Variants in ICE1 observed in about 807,000 individuals in gnomAD.
ICE1 encodes interactor of little elongation complex ELL subunit 1, also known as little elongation complex subunit 1.
A neutral mutation model predicts 192.7 loss-of-function variants in ICE1; 64 were observed. The ratio of observed to expected loss-of-function variants is 0.33; its 90% confidence interval spans 0.27 to 0.41. The LOEUF (loss-of-function observed/expected upper bound fraction) is 0.41. Ranked by LOEUF, ICE1 falls within the 10% of genes least tolerant of loss-of-function variation. The pLI is 1.00. For synonymous variants in ICE1, 1,010 were observed against 984.5 expected, an observed-to-expected ratio of 1.03 and a Z score of -0.49; for missense variants, 2,708 against 2,696.0, an observed-to-expected ratio of 1.00 and a Z score of -0.10.
At position 5,464,328 on chromosome 5, in the gene ICE1, C is replaced by T; in HGVS notation, c.4994C>T (p.Pro1665Leu). 1 of 1,613,764 alleles carries T rather than the reference C, an allele frequency of 6.2e-7. No homozygotes were observed. Among genetic ancestry groups the T allele is most frequent in the Non-Finnish European group, 8.5e-7 (1 of 1,179,870 alleles). The part of the protein sequence containing the change: ...SSSSPSSPAS[P>L]VGQVSPFRET... ...TCTAGTCCTTCCTCACCAGCCTCTC[C>T]TGTTGGCCAGGTTTCTCCCTTCCGT... Residue 1665 changes from proline to leucine, a missense_variant, in exon 13 of 19, where the codon CCT (proline) becomes CTT (leucine). By Grantham distance (98) the Pro-to-Leu change is moderately conservative. Around this residue, in one of 2 missense-constraint regions of ICE1, gnomAD observed 2,366 missense variants for 2,276.6 expected, o/e 1.04. Transcript: ENST00000296564. This position sits in a 1 kb window ranked among gnomAD's most constrained non-coding sequence, Gnocchi z 4.0.
chr5:5,483,151 C>T (rs775790529), intron 17 of ICE1, among the ~76,000 whole-genome samples: 14 of 152,088 alleles, frequency 9.2e-5, no homozygotes, highest in African/African-American at 2.2e-4. Context: ...CCACCATGCT[C>T]GGCTAATTTT....
At position 5,432,305 on chromosome 5, in the gene ICE1, C is replaced by CT. The variant is rs537395019; in HGVS notation, c.85-4107dup. ...AATACACGTGGACTTTTGTAACTGG[C>CT]TTTTTTCACTTAGCATAATGTTTCA... On this transcript the variant is annotated intron_variant, in intron 1 of 18. Coordinates refer to ENST00000296564, the MANE Select transcript of ICE1 (RefSeq NM_015325.3). Among the ~76,000 whole-genome samples, 9 of 152,278 alleles carry CT rather than the reference C, an allele frequency of 5.9e-5. No individual in the cohort carries two copies. In the South Asian group the frequency reaches 6.2e-4, roughly 11 times the overall value.
At chr5:5,485,114 T>C (rs1299060870) in intron 17 of ICE1, among the ~76,000 whole-genome samples, 1 of 152,132 alleles carries the variant, frequency 6.6e-6, no homozygotes, top group Non-Finnish European at 1.5e-5. Context: ...CTTGGATCTT[T>C]GGTTCTCATA....
rs780004639 is a variant in ICE1, at chr5:5,437,031, A to C, written c.144-49A>C. The stretch of plus-strand genomic sequence containing the variant: ...GATTGAAACATAATTTTAACATAGT[A>C]TATTTTCTAAATTAAAAAGTAACCT... On this transcript the variant is annotated intron_variant, in intron 2 of 18. Transcript: ENST00000296564. 1.1e-5 allele frequency: 13 copies of C among 1,160,194 alleles called. No individual in the cohort carries two copies. The East Asian group carries it at 3.3e-4, about 30-fold the overall frequency. 71.9% of individuals were successfully genotyped at this position (1,160,194 alleles called of 1,614,324 possible).
Position 5,463,962 on chromosome 5 carries a change from A to G in ICE1, c.4628A>G (p.Asn1543Ser). The change falls in exon 13 of 19, where the codon AAC becomes AGC. Residue 1543 changes from asparagine (N) to serine (S), a missense_variant. Physicochemically the swap from Asn to Ser is conservative, Grantham distance 46. This residue lies in a region of ICE1 where 2,366 missense variants were observed against 2,276.6 expected (regional missense o/e 1.04). Coordinates refer to ENST00000296564, the MANE Select transcript of ICE1 (RefSeq NM_015325.3). Reference protein sequence around the residue: ...QIVASDHTYYNSKLEPSGKNK... With the variant: ...QIVASDHTYYSSKLEPSGKNK... Reference sequence around the variant, plus strand: ...GTTGCGTCTGATCACACATATTATAACTCAAAACTAGAGCCATCTGGCAAA... The same window carrying G: ...GTTGCGTCTGATCACACATATTATAGCTCAAAACTAGAGCCATCTGGCAAA... The G allele has an allele frequency of 6.2e-7, 1 of 1,613,892 alleles. No homozygotes were observed. Among genetic ancestry groups the G allele is most frequent in the South Asian group, 1.1e-5 (1 of 91,068 alleles).
chr5:5,431,005 A>G (rs1175090069), intron 1 of ICE1, among the ~76,000 whole-genome samples: 1 of 152,140 alleles, frequency 6.6e-6, no homozygotes, highest in Non-Finnish European at 1.5e-5. Context: ...CAGTTTCTCC[A>G]TCTGTAAAAC....
chr5:5,480,391 A>G (rs1361598354), intron 17 of ICE1, among the ~76,000 whole-genome samples: 1 of 151,414 alleles, frequency 6.6e-6, no homozygotes, highest in African/African-American at 2.4e-5. Context: ...CTGGGACTAC[A>G]GGCGCCCGCC....
At chr5:5,481,587 T>TA (rs1172919483) in intron 17 of ICE1, among the ~76,000 whole-genome samples, 4 of 152,214 alleles carry the variant, frequency 2.6e-5, no homozygotes, top group Non-Finnish European at 4.4e-5. Context: ...CTGATAGTGT[T>TA]AGAGTAGTGT....
chr5:5,474,852 A>G (rs886248794), intron 16 of ICE1, among the ~76,000 whole-genome samples: 1 of 152,218 alleles, frequency 6.6e-6, no homozygotes, highest in Non-Finnish European at 1.5e-5. Flanking sequence ...CATCATCTTG[A>G]CACTAAGGGA....
Position 5,464,826 on chromosome 5 carries a change from C to T in ICE1, c.5492C>T (p.Ser1831Leu), listed in dbSNP as rs1460147243. The T allele has an allele frequency of 6.2e-7, 1 of 1,613,360 alleles. No individual in the cohort carries two copies. The highest frequency in any genetic ancestry group is 8.5e-7 in the Non-Finnish European group (1 of 1,179,652). The change falls in exon 13 of 19, where the codon TCA (serine) becomes TTA (leucine). Residue 1831 changes from serine to leucine, a missense_variant. This residue lies in a region of ICE1 where 2,366 missense variants were observed against 2,276.6 expected (regional missense o/e 1.04). Coordinates refer to ENST00000296564, the MANE Select transcript of ICE1 (RefSeq NM_015325.3). This position sits in a 1 kb window ranked among gnomAD's most constrained non-coding sequence, Gnocchi z 4.0. ...KSRDLGTQQD[S>L]SGKRTLSTST... ...AGAGATTTGGGGACTCAGCAGGATT[C>T]AAGCGGGAAAAGAACACTGTCAACG...
At position 5,489,275 on chromosome 5, in the gene ICE1, C is replaced by T. The variant is rs760937370; in HGVS notation, c.6746C>T (p.Ala2249Val). ...RREASKSVPSAIVSCLEEVSA... is the reference protein window; with the variant it reads ...RREASKSVPSVIVSCLEEVSA... ...GAGGCCTCCAAAAGCGTTCCGTCTG[C>T]GATTGTCAGCTGCCTAGAGGAAGTC... Residue 2249 changes from alanine (A) to valine (V), a missense_variant, in exon 19 of 19, where the codon GCG (alanine) becomes GTG (valine). By Grantham distance (64) the Ala-to-Val change is moderately conservative. Transcript: ENST00000296564. 6 of 1,613,478 alleles carry T rather than the reference C, an allele frequency of 3.7e-6. No individual in the cohort carries two copies. The highest frequency in any genetic ancestry group is 1.6e-4 in the Middle Eastern group (1 of 6,084).
rs1417147164 is a variant in ICE1, at chr5:5,444,299, C to A, written c.397C>A (p.Leu133Ile). Residue 133 changes from leucine (L) to isoleucine (I), a missense_variant, in exon 7 of 19, where the codon CTA (leucine) becomes ATA (isoleucine). Coordinates refer to ENST00000296564, the MANE Select transcript of ICE1 (RefSeq NM_015325.3). ...CLKSDAQKKK[L>I]EAKVKKLQEA... ...CAATTTCGTTATTAGGAAGAAGAAA[C>A]TAGAAGCTAAGGTGAAGAAGCTGCA... 3.2e-6 allele frequency: 5 copies of A among 1,565,990 alleles called. No individual in the cohort carries two copies. Among genetic ancestry groups the A allele is most frequent in the Non-Finnish European group, 8.7e-7 (1 of 1,153,302 alleles).
At chr5:5,453,779 A>C (rs563466798) in intron 10 of ICE1, among the ~76,000 whole-genome samples, 1 of 152,342 alleles carries the variant, frequency 6.6e-6, no homozygotes, top group Non-Finnish European at 1.5e-5. Context: ...CCATAGTATA[A>C]TATTCTTAAT....
chr5:5,471,556 T>G (rs1363832412), intron 15 of ICE1, among the ~76,000 whole-genome samples: 1 of 152,108 alleles, frequency 6.6e-6, no homozygotes, highest in African/African-American at 2.4e-5. Context: ...AAACAGGAGA[T>G]TTCAGTATGT....
intron 15 of ICE1, 135 bp downstream of exon 15, chr5:5,469,123 T>G (rs2111392127): frequency 1.7e-6 from 1 of 600,132 alleles, no homozygotes; most frequent in African/African-American, 1.9e-5. Context: ...ATTTAATCAG[T>G]TTAGCCTAAG....
At position 5,436,410 on chromosome 5, in the gene ICE1, T is replaced by C. The variant is rs770570337; in HGVS notation, c.85-8T>C. On this transcript the variant is annotated splice_region_variant and splice_polypyrimidine_tract_variant and intron_variant, in intron 1 of 18. Transcript: ENST00000296564. ...TAAAAAAGCTGACTGTGGCTTTTTT[T>C]CTTTCAGAATTTGAATGAATATGTT... 2 of 1,460,590 alleles carry C rather than the reference T, an allele frequency of 1.4e-6. No homozygotes were observed. Among genetic ancestry groups the C allele is most frequent in the South Asian group, 2.9e-5 (2 of 68,124 alleles). 90.5% of individuals were successfully genotyped at this position (1,460,590 alleles called of 1,614,324 possible).
At chr5:5,451,772 A>C (rs4283757) in intron 10 of ICE1, among the ~76,000 whole-genome samples, 7,610 of 152,182 alleles carry the variant, frequency 0.05, 640 homozygotes, top group East Asian at 0.35. Context: ...CTCTGTTATT[A>C]ATTTTTTTGT....
chr5:5,476,184 A>G (rs958579356), intron 17 of ICE1, 105 bp downstream of exon 17: 5 of 596,170 alleles, frequency 8.4e-6, no homozygotes, highest in Middle Eastern at 4.1e-4. Flanking sequence ...AAAATTTCTG[A>G]TTTTACAACC....
At chr5:5,448,704 G>T (rs1186471821) in intron 10 of ICE1, among the ~76,000 whole-genome samples, 1 of 152,126 alleles carries the variant, frequency 6.6e-6, no homozygotes, top group Non-Finnish European at 1.5e-5. Flanking sequence ...TAAATTGTGT[G>T]CAGGTATATG....
Sources: gnomAD v4.1 joint callset for allele counts (sites outside exome capture counted in the v4.1 genomes callset) on GRCh38, gnomAD v4.1.1 for gene constraint, gnomAD v4.1.1 regional missense constraint, Gnocchi (gnomAD v3.1) non-coding constraint, MANE v1.5 for transcripts, NCBI Gene and HGNC (gene_info 2026-07-23, HGNC 2026-07-21) for gene names.